Variants in UCN3 observed in about 807,000 individuals in gnomAD.
UCN3 encodes urocortin 3.
A neutral mutation model predicts 3.6 loss-of-function variants in UCN3; 3 were observed. The ratio of observed to expected loss-of-function variants is 0.83; its 90% CI spans 0.38 to 2.15. The LOEUF (loss-of-function observed/expected upper bound fraction) is 2.15, where lower values mean the gene tolerates loss of function less well. Ranked by LOEUF, UCN3 falls within the 30% of genes most tolerant of loss-of-function variation. The pLI is 0.06. For synonymous variants in UCN3, 100 were observed against 93.2 expected, an observed-to-expected ratio of 1.07 and a Z score of -0.42; for missense variants, 206 against 208.3, an observed-to-expected ratio of 0.99 and a Z score of 0.07.
chr10:5,372,714 T>G (rs2119112613), intron 1 of UCN3, among the ~76,000 whole-genome samples: 1 of 137,324 alleles, frequency 7.3e-6, no homozygotes, highest in African/African-American at 2.7e-5. Flanking sequence ...CACGCCCAGC[T>G]AATTTTTTTT....
At position 5,367,021 on chromosome 10, in the gene UCN3, AT is replaced by A. The variant is rs1300528553; in HGVS notation, c.-7+1797del. 3.8e-4 allele frequency among the ~76,000 whole-genome samples: 58 copies of A among 152,322 alleles called. No individual in the cohort carries two copies. The highest frequency in any genetic ancestry group is 1.3e-3 in the African/African-American group (55 of 41,576). On this transcript the variant is annotated intron_variant, in intron 1 of 1. Coordinates refer to ENST00000380433, the MANE Select transcript of UCN3 (RefSeq NM_053049.4). This position sits in a 1 kb window ranked among gnomAD's most constrained non-coding sequence, Gnocchi z 4.3. ...GATTTGAAAAATAAGAAGGTAATGC[AT>A]TTTTTAAAAGGCACAGTATTTACAA...
At chr10:5,370,920 C>CGTGTGTATATGTGTGTATATGT (rs1228555166) in intron 1 of UCN3, among the ~76,000 whole-genome samples, 1 of 109,846 alleles carries the variant, frequency 9.1e-6, no homozygotes, top group African/African-American at 3.7e-5. Context: ...TGTGTATATG[C>CGTGTGTATATGTGTGTATATGT]GTGTGTATAT....
intron 1 of UCN3, among the ~76,000 whole-genome samples, chr10:5,372,510 T>A (rs186440454): frequency 3.0e-4 from 45 of 152,334 alleles, no homozygotes; most frequent in Admixed American, 5.9e-4. Context: ...GAGTCGGACG[T>A]TTGTATTGCC....
chr10:5,373,060 T>C lies in UCN3; in HGVS notation c.-6-655T>C, dbSNP rs1185595539. 2.0e-5 allele frequency among the ~76,000 whole-genome samples: 3 copies of C among 152,214 alleles called. No individual in the cohort carries two copies. The East Asian group carries it at 5.8e-4, about 29-fold the overall frequency. On this transcript the variant is annotated intron_variant, in intron 1 of 1. Coordinates refer to ENST00000380433, the MANE Select transcript of UCN3 (RefSeq NM_053049.4). Reference sequence around the variant, plus strand: ...GCGGTTGGAGGACGTTGGTGCTCCCTGGATGATACTTGGTCTGACAAAAAG... The same window carrying C: ...GCGGTTGGAGGACGTTGGTGCTCCCCGGATGATACTTGGTCTGACAAAAAG...
rs1348299987 is a variant in UCN3 at position 5,370,310 on chromosome 10, CGTGTATGTGT to C, written c.-6-3398_-6-3389del. Among the ~76,000 whole-genome samples, 4 of 6,814 alleles carry C rather than the reference CGTGTATGTGT, an allele frequency of 5.9e-4. 1 individual carries two copies. Among genetic ancestry groups the C allele is most frequent in the African/African-American group, 2.3e-3 (3 of 1,310 alleles). The allele number at this position is 6,814 out of a possible 152,430, so 4.5% of individuals were successfully genotyped here. A position where few individuals can be genotyped will look rare whatever the true frequency, so the allele number is the denominator to read the frequency against. On this transcript the variant is annotated intron_variant, in intron 1 of 1. Coordinates refer to ENST00000380433, the MANE Select transcript of UCN3 (RefSeq NM_053049.4). ...GCGTGTGTGTATGCGTGTGTATATGCGTGTATGTGTGTGTATATGCGTGTGTATATGCGTG... is the reference window on the plus strand; with the variant it reads ...GCGTGTGTGTATGCGTGTGTATATGCGTGTATATGCGTGTGTATATGCGTG...
In UCN3 at chr10:5,370,005, G is replaced by A. The variant is rs201463573; in HGVS notation, c.-6-3710G>A. On this transcript the variant is annotated intron_variant, in intron 1 of 1. Transcript: ENST00000380433. Reference sequence around the variant, plus strand: ...TGTGTATATGTGTGTATGTGTGTGTGTATGTGTGTGTATATGTGTGTGTAT... The same window carrying A: ...TGTGTATATGTGTGTATGTGTGTGTATATGTGTGTGTATATGTGTGTGTAT... 3.1e-3 allele frequency among the ~76,000 whole-genome samples: 98 copies of A among 31,516 alleles called. 8 individuals carry two copies. The highest frequency in any genetic ancestry group is 0.029 in the Middle Eastern group (2 of 70). 20.7% of individuals were successfully genotyped at this position (31,516 alleles called of 152,430 possible).
At position 5,374,242 on chromosome 10, in the gene UCN3, AGG is replaced by A; in HGVS notation, c.*40_*41del. The A allele has an allele frequency of 3.4e-5, 1 of 29,262 alleles. No homozygotes were observed. Among genetic ancestry groups the A allele is most frequent in the Non-Finnish European group, 5.4e-5 (1 of 18,604 alleles). The allele number at this position is 29,262 out of a possible 1,614,324, so 1.8% of individuals were successfully genotyped here. Reference sequence around the variant, plus strand: ...TGGACGGGAGGGCAGCGGGGTGGGGAGGGGGAGGGGAGGGGGAGGGGAGGGCG... The same window carrying A: ...TGGACGGGAGGGCAGCGGGGTGGGGAGGGAGGGGAGGGGGAGGGGAGGGCG... On this transcript the variant is annotated 3_prime_UTR_variant, in exon 2 of 2. Coordinates refer to ENST00000380433, the MANE Select transcript of UCN3 (RefSeq NM_053049.4).
chr10:5,373,792 C>G lies in UCN3; in HGVS notation c.72C>G (p.His24Gln). ...GGGGCCCCAGGACAGGCCTCCCCCACAAGTTCTACAAAGCCAAGCCCATCT... is the reference window on the plus strand; with the variant it reads ...GGGGCCCCAGGACAGGCCTCCCCCAGAAGTTCTACAAAGCCAAGCCCATCT... ...LLGGPRTGLPHKFYKAKPIFS... is the reference protein window; with the variant it reads ...LLGGPRTGLPQKFYKAKPIFS... The change falls in exon 2 of 2, where the codon CAC (histidine) becomes CAG (glutamine). Residue 24 changes from histidine (H) to glutamine (Q), a missense_variant. Physicochemically the swap from His to Gln is conservative, Grantham distance 24 (BLOSUM62 0). Coordinates refer to ENST00000380433, the MANE Select transcript of UCN3 (RefSeq NM_053049.4). 1 of 1,614,032 alleles carries G rather than the reference C, an allele frequency of 6.2e-7. No homozygotes were observed. The highest frequency in any genetic ancestry group is 2.2e-5 in the East Asian group (1 of 44,844).
At position 5,366,060 on chromosome 10, in the gene UCN3, T is replaced by G. The variant is rs1049042276; in HGVS notation, c.-7+830T>G. 6.6e-6 allele frequency among the ~76,000 whole-genome samples: 1 copy of G among 152,242 alleles called. No individual in the cohort carries two copies. Among genetic ancestry groups the G allele is most frequent in the African/African-American group, 2.4e-5 (1 of 41,464 alleles). ...GGTCTAGTTTCAGTTTAACTTCTTA[T>G]CAGTGTTTGCAGACAAACGGAGCCC... On this transcript the variant is annotated intron_variant, in intron 1 of 1. Transcript: ENST00000380433. This position sits in a 1 kb window ranked among gnomAD's most constrained non-coding sequence, Gnocchi z 4.2.
At chr10:5,370,766 C>CGT (rs1232736605) in intron 1 of UCN3, among the ~76,000 whole-genome samples, 1 of 75,484 alleles carries the variant, frequency 1.3e-5, no homozygotes, top group Non-Finnish European at 2.5e-5. Flanking sequence ...TGTGTATATG[C>CGT]GTGTGTATAT....
chr10:5,370,045 GCGTGTGTA>G (rs1831332385), intron 1 of UCN3, among the ~76,000 whole-genome samples: 3 of 100,764 alleles, frequency 3.0e-5, no homozygotes, highest in Non-Finnish European at 4.2e-5. Flanking sequence ...GTGTGTATAT[GCGTGTGTA>G]TGTGTGTGTA....
rs1491522376 is a variant in UCN3, at chr10:5,370,111, ATG to A, written c.-6-3596_-6-3595del. Among the ~76,000 whole-genome samples the A allele has an allele frequency of 5.8e-4, 16 of 27,788 alleles. 3 individuals carry two copies. Among genetic ancestry groups the A allele is most frequent in the East Asian group, 5.0e-3 (3 of 602 alleles). 18.2% of individuals were successfully genotyped at this position (27,788 alleles called of 152,430 possible). The stretch of plus-strand genomic sequence containing the variant: ...TATGCGTGTGTATATGCGTGTGTAT[ATG>A]TGTGTGTATGTGTGTGTATGTGTGT... On this transcript the variant is annotated intron_variant, in intron 1 of 1. Coordinates refer to ENST00000380433, the MANE Select transcript of UCN3 (RefSeq NM_053049.4).
rs72439722 is a variant in UCN3 at position 5,369,871 on chromosome 10, GTA to G, written c.-6-3840_-6-3839del. 2.1e-3 allele frequency among the ~76,000 whole-genome samples: 200 copies of G among 96,420 alleles called. 29 individuals are homozygous for G. Among genetic ancestry groups the G allele is most frequent in the African/African-American group, 7.7e-3 (189 of 24,700 alleles). The allele number at this position is 96,420 out of a possible 152,430, so 63.3% of individuals were successfully genotyped here. On this transcript the variant is annotated intron_variant, in intron 1 of 1. Coordinates refer to ENST00000380433, the MANE Select transcript of UCN3 (RefSeq NM_053049.4). The stretch of plus-strand genomic sequence containing the variant: ...AACATTTATCCACGTGGGTGTGTGT[GTA>G]TATGTGTGTGTATATGTGTGTGTGT...
At position 5,369,915 on chromosome 10, in the gene UCN3, A is replaced by G. The variant is rs76623275; in HGVS notation, c.-6-3800A>G. Reference sequence around the variant, plus strand: ...TGTGTGTGTATATGTGTGTGTGTATATGTGTGTGTATGTGTGTGTGTGTAT... The same window carrying G: ...TGTGTGTGTATATGTGTGTGTGTATGTGTGTGTGTATGTGTGTGTGTGTAT... On this transcript the variant is annotated intron_variant, in intron 1 of 1. Transcript: ENST00000380433. Among the ~76,000 whole-genome samples the G allele has an allele frequency of 3.6e-3, 279 of 76,936 alleles. 2 individuals carry two copies. Among genetic ancestry groups the G allele is most frequent in the African/African-American group, 0.011 (159 of 14,728 alleles). The allele number at this position is 76,936 out of a possible 152,430, so 50.5% of individuals were successfully genotyped here.
At chr10:5,372,448 A>G (rs1831443027) in intron 1 of UCN3, among the ~76,000 whole-genome samples, 1 of 152,240 alleles carries the variant, frequency 6.6e-6, no homozygotes, top group South Asian at 2.1e-4. Flanking sequence ...GTGAACCAGC[A>G]AGAGTCTATG....
Position 5,369,925 on chromosome 10 carries a change from ATGTG to A in UCN3, c.-6-3780_-6-3777del, listed in dbSNP as rs200059976. On this transcript the variant is annotated intron_variant, in intron 1 of 1. Coordinates refer to ENST00000380433, the MANE Select transcript of UCN3 (RefSeq NM_053049.4). Reference sequence around the variant, plus strand: ...TATGTGTGTGTGTATATGTGTGTGTATGTGTGTGTGTGTATGTGTGTGTATATGT... The same window carrying A: ...TATGTGTGTGTGTATATGTGTGTGTATGTGTGTGTATGTGTGTGTATATGT... Among the ~76,000 whole-genome samples the A allele has an allele frequency of 1.3e-3, 69 of 55,004 alleles. 11 individuals carry two copies. The highest frequency in any genetic ancestry group is 6.1e-3 in the East Asian group (7 of 1,156). 36.1% of individuals were successfully genotyped at this position (55,004 alleles called of 152,430 possible).
chr10:5,370,102 C>CGTGTGTATAT lies in UCN3; in HGVS notation c.-6-3606_-6-3597dup, dbSNP rs1261196836. 6.0e-5 allele frequency among the ~76,000 whole-genome samples: 2 copies of CGTGTGTATAT among 33,290 alleles called. 1 individual carries two copies. Among genetic ancestry groups the CGTGTGTATAT allele is most frequent in the Non-Finnish European group, 9.7e-5 (2 of 20,552 alleles). The allele number at this position is 33,290 out of a possible 152,430, so 21.8% of individuals were successfully genotyped here. The stretch of plus-strand genomic sequence containing the variant: ...GCGTGTGTATATGCGTGTGTATATG[C>CGTGTGTATAT]GTGTGTATATGTGTGTGTATGTGTG... On this transcript the variant is annotated intron_variant, in intron 1 of 1. Coordinates refer to ENST00000380433, the MANE Select transcript of UCN3 (RefSeq NM_053049.4).
Position 5,370,616 on chromosome 10 carries a change from C to T in UCN3, c.-6-3099C>T, listed in dbSNP as rs1187591551. Among the ~76,000 whole-genome samples the T allele has an allele frequency of 2.2e-3, 46 of 21,362 alleles. 1 individual carries two copies. Among genetic ancestry groups the T allele is most frequent in the South Asian group, 6.1e-3 (2 of 330 alleles). 14.0% of individuals were successfully genotyped at this position (21,362 alleles called of 152,430 possible). On this transcript the variant is annotated intron_variant, in intron 1 of 1. Transcript: ENST00000380433. ...GTGTGTGTGTATGCGTGTGTATATG[C>T]GTGTATATGCGTGTGTATGTGTGTG...
chr10:5,373,595 T>A, intron 1 of UCN3, 120 bp from the exon 2 acceptor site: 2 of 1,457,978 alleles, frequency 1.4e-6, no homozygotes, highest in Non-Finnish European at 9.1e-7. Flanking sequence ...GGTCTGGGGG[T>A]CATACTTGGA....
Sources: gnomAD v4.1 joint callset for allele counts (sites outside exome capture counted in the v4.1 genomes callset) on GRCh38, gnomAD v4.1.1 for gene constraint, Gnocchi (gnomAD v3.1) non-coding constraint, MANE v1.5 for transcripts, NCBI Gene and HGNC (gene_info 2026-07-23, HGNC 2026-07-21) for gene names.